Variants in TRIM67 observed in about 807,000 individuals in gnomAD.
The protein encoded by TRIM67 is tripartite motif-containing protein 67.
TRIM67 carries 39 observed loss-of-function variants against 71.0 expected under a neutral mutation model. The observed-to-expected ratio is 0.55, with a 90% CI of 0.43 to 0.72. TRIM67 has a LOEUF of 0.72. Ranked by LOEUF, TRIM67 falls within the 30% of genes least tolerant of loss-of-function variation. TRIM67 has a pLI of 0.00. For missense variants in TRIM67, 973 were observed against 1,079.2 expected (o/e 0.90, Z 1.38); for synonymous variants, 481 against 473.9 (o/e 1.01, Z -0.19).
At position 231,213,852 on chromosome 1, in the gene TRIM67, G is replaced by A. The variant is rs1009186888; in HGVS notation, c.2161G>A (p.Val721Met). ...CGTGTGCAAGGGGGCCACCGTGGGC[G>A]TGCTGCTGGACCTGAATAAGCACAC... ...GGVCKGATVGVLLDLNKHTLT... is the reference protein window; with the variant it reads ...GGVCKGATVGMLLDLNKHTLT... Residue 721 changes from valine to methionine, a missense_variant, in exon 9 of 10, where the codon GTG (valine) becomes ATG (methionine). Val to Met is a conservative substitution (Grantham distance 21). Coordinates refer to ENST00000366653, the MANE Select transcript of TRIM67 (RefSeq NM_001004342.5). 5.6e-6 allele frequency: 9 copies of A among 1,611,648 alleles called. No homozygotes were observed. Among genetic ancestry groups the A allele is most frequent in the Middle Eastern group, 1.6e-4 (1 of 6,068 alleles).
At chr1:231,184,942 G>A (rs1683020250) in intron 1 of TRIM67, 1 of 1,355,472 alleles carries the variant, frequency 7.4e-7, no homozygotes, top group East Asian at 2.5e-5. Context: ...CAACCCTGAA[G>A]CCCAGCTCTA....
At chr1:231,194,717 C>T (rs1683319547) in intron 1 of TRIM67, among the ~76,000 whole-genome samples, 1 of 152,238 alleles carries the variant, frequency 6.6e-6, no homozygotes, top group African/African-American at 2.4e-5. Flanking sequence ...CAGTCTCACT[C>T]TGTCACCTAG....
intron 1 of TRIM67, among the ~76,000 whole-genome samples, chr1:231,168,135 T>C (rs1239116343): frequency 6.6e-6 from 1 of 152,046 alleles, no homozygotes; most frequent in East Asian, 1.9e-4. Context: ...TGGCTAATTT[T>C]AAAATTTTTT....
chr1:231,190,556 G>T (rs537453952), intron 1 of TRIM67, among the ~76,000 whole-genome samples: 1 of 152,116 alleles, frequency 6.6e-6, no homozygotes, highest in African/African-American at 2.4e-5. Context: ...TGCGGCCCCC[G>T]GCGTAACATA....
chr1:231,211,562 C>G (rs1331843313), intron 8 of TRIM67, among the ~76,000 whole-genome samples: 1 of 152,190 alleles, frequency 6.6e-6, no homozygotes, highest in South Asian at 2.1e-4. Flanking sequence ...TCCCACCTGC[C>G]GGATCCCGCC....
At chr1:231,193,503 GCTCTCT>G (rs3049035) in intron 1 of TRIM67, among the ~76,000 whole-genome samples, 3,681 of 81,960 alleles carry the variant, frequency 0.045, 204 homozygotes, top group East Asian at 0.24. Context: ...TCTCTCTCAA[GCTCTCT>G]CTCTCTCTCT....
Position 231,203,855 on chromosome 1 carries a change from T to C in TRIM67, c.1535-12T>C. Reference sequence around the variant, plus strand: ...GGCTTCCTGCGCTAACTCATGTGTGTCCCCCTCGCAGTGCCACCCGTCCCC... The same window carrying C: ...GGCTTCCTGCGCTAACTCATGTGTGCCCCCCTCGCAGTGCCACCCGTCCCC... On this transcript the variant is annotated splice_polypyrimidine_tract_variant and intron_variant, in intron 5 of 9. Transcript: ENST00000366653. The C allele has an allele frequency of 1.2e-6, 2 of 1,610,772 alleles. No individual in the cohort carries two copies. Among genetic ancestry groups the C allele is most frequent in the Non-Finnish European group, 8.5e-7 (1 of 1,178,818 alleles).
rs374682219 is a variant in TRIM67, at chr1:231,203,909, G to A, written c.1577G>A (p.Arg526His). Residue 526 changes from arginine (R) to histidine (H), a missense_variant, in exon 6 of 10, where the codon CGT becomes CAT. Coordinates refer to ENST00000366653, the MANE Select transcript of TRIM67 (RefSeq NM_001004342.5). ...CTGCAGCTGGAGAAATGCTGCACCCGTAACAACAGCGTCACGCTGGCCTGG... is the reference window on the plus strand; with the variant it reads ...CTGCAGCTGGAGAAATGCTGCACCCATAACAACAGCGTCACGCTGGCCTGG... ...PLLQLEKCCT[R>H]NNSVTLAWRM... 5.5e-5 allele frequency: 89 copies of A among 1,613,904 alleles called. No individual in the cohort carries two copies. The highest frequency in any genetic ancestry group is 3.3e-4 in the Middle Eastern group (2 of 6,056).
At chr1:231,175,447 G>C (rs958061546) in intron 1 of TRIM67, among the ~76,000 whole-genome samples, 6 of 152,210 alleles carry the variant, frequency 3.9e-5, no homozygotes, top group African/African-American at 1.4e-4. Context: ...GAAGACATTA[G>C]ACTCCTAATT....
chr1:231,173,533 A>T (rs1325003275), intron 1 of TRIM67, among the ~76,000 whole-genome samples: 1 of 152,230 alleles, frequency 6.6e-6, no homozygotes, highest in Non-Finnish European at 1.5e-5. Context: ...TTCACAGAGA[A>T]GACAAGGGCC....
At position 231,162,951 on chromosome 1, in the gene TRIM67, G is replaced by T. The variant is rs750101780; in HGVS notation, c.-19G>T. ...CCATTCATCCCCAGCGCAGAGCAGC[G>T]CTGGCAGCCGGCGCCGCGATGGAGG... On this transcript the variant is annotated 5_prime_UTR_variant, in exon 1 of 10. Coordinates refer to ENST00000366653, the MANE Select transcript of TRIM67 (RefSeq NM_001004342.5). 2.5e-6 allele frequency: 4 copies of T among 1,607,208 alleles called. 1 individual carries two copies. The highest frequency in any genetic ancestry group is 2.2e-5 in the South Asian group (2 of 90,228).
intron 1 of TRIM67, among the ~76,000 whole-genome samples, chr1:231,181,186 G>A (rs531276684): frequency 6.6e-6 from 1 of 152,150 alleles, no homozygotes; most frequent in Admixed American, 6.5e-5. Context: ...GGATGGTCTC[G>A]ATGTCTTGAC....
chr1:231,176,126 G>A (rs1005756656), intron 1 of TRIM67, among the ~76,000 whole-genome samples: 1 of 152,168 alleles, frequency 6.6e-6, no homozygotes, highest in Non-Finnish European at 1.5e-5. Flanking sequence ...ATGTCATCTT[G>A]TGGCTTTCCA....
At chr1:231,211,020 C>CA (rs113952856) in intron 8 of TRIM67, among the ~76,000 whole-genome samples, 5,984 of 133,762 alleles carry the variant, frequency 0.045, 132 homozygotes, top group Middle Eastern at 0.062. Flanking sequence ...TCCTCTCTAC[C>CA]AAAAAAAAAA....
At chr1:231,212,059 C>T (rs936468593) in intron 8 of TRIM67, among the ~76,000 whole-genome samples, 16 of 152,178 alleles carry the variant, frequency 1.1e-4, no homozygotes, top group Non-Finnish European at 2.4e-4. Flanking sequence ...AAAATTCTCT[C>T]GGCCACGAGT....
intron 8 of TRIM67, among the ~76,000 whole-genome samples, chr1:231,210,792 C>A (rs967086788): frequency 6.6e-6 from 1 of 151,838 alleles, no homozygotes; most frequent in African/African-American, 2.4e-5. Context: ...GCAATCCCAG[C>A]ACTTAAGGAG....
Position 231,220,117 on chromosome 1 carries a change from C to G in TRIM67, c.*4677C>G. The G allele has an allele frequency of 2.2e-6, 1 of 463,956 alleles. No individual in the cohort carries two copies. Among genetic ancestry groups the G allele is most frequent in the Non-Finnish European group, 3.8e-6 (1 of 265,764 alleles). 28.7% of individuals were successfully genotyped at this position (463,956 alleles called of 1,614,324 possible). ...TTTAAAGAAAAAAAGTGCAGTCTTT[C>G]ATCTCTGGCATCTAAGCTAATGATT... On this transcript the variant is annotated 3_prime_UTR_variant, in exon 10 of 10. Coordinates refer to ENST00000366653, the MANE Select transcript of TRIM67 (RefSeq NM_001004342.5).
chr1:231,215,293 C>CCGGTGTCTG (rs2102767383), intron 9 of TRIM67, 82 bp from the exon 10 acceptor site: 1 of 1,525,860 alleles, frequency 6.6e-7, no homozygotes, highest in South Asian at 1.2e-5. Context: ...GGGGATCCTG[C>CCGGTGTCTG]CGGTGTCTGC....
At position 231,219,918 on chromosome 1, in the gene TRIM67, A is replaced by T. The variant is rs916525340; in HGVS notation, c.*4478A>T. ...TTCGGGCAGGATGTATTGATCAGAC[A>T]CCAAGTTCAGCCCTCGGTTACTTCC... On this transcript the variant is annotated 3_prime_UTR_variant, in exon 10 of 10. Coordinates refer to ENST00000366653, the MANE Select transcript of TRIM67 (RefSeq NM_001004342.5). 7 of 1,289,768 alleles carry T rather than the reference A, an allele frequency of 5.4e-6. No individual in the cohort carries two copies. The African/African-American group carries it at 1.1e-4, about 20-fold the overall frequency. The allele number at this position is 1,289,768 out of a possible 1,614,324, so 79.9% of individuals were successfully genotyped here. A position where few individuals can be genotyped will look rare whatever the true frequency, so the allele number is the denominator to read the frequency against.
Sources: gnomAD v4.1 joint callset for allele counts (sites outside exome capture counted in the v4.1 genomes callset) on GRCh38, gnomAD v4.1.1 for gene constraint, MANE v1.5 for transcripts, NCBI Gene and HGNC (gene_info 2026-07-23, HGNC 2026-07-21) for gene names.